The following CHRM3 variants were observed in gnomAD, a reference collection of about 807,000 sequenced individuals.
The protein encoded by CHRM3 is cholinergic receptor muscarinic 3.
CHRM3 carries 11 observed loss-of-function variants against 41.8 expected under a neutral mutation model. That is an observed-to-expected ratio of 0.26 (90% confidence interval 0.17 to 0.44). CHRM3 has a LOEUF of 0.44. CHRM3 is among the 20% of genes least tolerant of loss of function. The probability of loss-of-function intolerance (pLI) is 1.00; values close to 1 mark genes in which losing one functional copy is unlikely to be tolerated. For synonymous variants in CHRM3, 297 were observed against 301.4 expected, an observed-to-expected ratio of 0.99 and a Z score of 0.15; for missense variants, 571 against 745.4, an observed-to-expected ratio of 0.77 and a Z score of 2.72.
intron 2 of CHRM3, among the ~76,000 whole-genome samples, chr1:239,528,056 C>T (rs1670119811): frequency 6.6e-6 from 1 of 152,152 alleles, no homozygotes; most frequent in South Asian, 2.1e-4. Context: ...TGAGGACCCT[C>T]AAAGGGCATT....
intron 5 of CHRM3, among the ~76,000 whole-genome samples, chr1:239,739,754 A>G (rs1664683027): frequency 6.6e-6 from 1 of 152,182 alleles, no homozygotes; most frequent in South Asian, 2.1e-4. Flanking sequence ...AATAATGAAA[A>G]TGATATCAAA....
chr1:239,729,567 CT>C (rs1208779351), intron 5 of CHRM3, among the ~76,000 whole-genome samples: 1 of 151,890 alleles, frequency 6.6e-6, no homozygotes, highest in East Asian at 1.9e-4. Flanking sequence ...AAAATTTGAA[CT>C]GTGGAAAAAT....
intron 4 of CHRM3, among the ~76,000 whole-genome samples, chr1:239,650,132 C>T (rs183111567): frequency 1.2e-4 from 19 of 152,290 alleles, no homozygotes; most frequent in Admixed American, 2.0e-4. Flanking sequence ...GGAGTTGGCT[C>T]TCAGCTCTGT....
At chr1:239,706,993 A>G (rs1661252320) in intron 5 of CHRM3, 2 of 152,214 alleles carry the variant, frequency 1.3e-5, no homozygotes, top group African/African-American at 2.4e-5. Context: ...TAAAAGAAAA[A>G]CAAAGGCAAT....
intron 6 of CHRM3, among the ~76,000 whole-genome samples, chr1:239,875,664 A>G (rs1677053249): frequency 6.6e-6 from 1 of 152,224 alleles, no homozygotes; most frequent in African/African-American, 2.4e-5. Context: ...ATCTCAAGAC[A>G]GTATCATGTA....
chr1:239,461,179 TATC>T (rs1158095817), intron 1 of CHRM3, among the ~76,000 whole-genome samples: 3 of 152,208 alleles, frequency 2.0e-5, no homozygotes, highest in African/African-American at 7.2e-5. Flanking sequence ...CAAGTCTAGA[TATC>T]ATGTGCCAAT....
intron 6 of CHRM3, among the ~76,000 whole-genome samples, chr1:239,842,150 G>A (rs1673851792): frequency 6.6e-6 from 1 of 151,634 alleles, no homozygotes; most frequent in Non-Finnish European, 1.5e-5. Flanking sequence ...AAGTCCTATG[G>A]TAATTTCATA....
At chr1:239,682,947 C>G (rs1658712637) in intron 5 of CHRM3, among the ~76,000 whole-genome samples, 1 of 151,994 alleles carries the variant, frequency 6.6e-6, no homozygotes, top group South Asian at 2.1e-4. Context: ...TTTAATTAGG[C>G]TATTTAGCAT....
At chr1:239,805,656 A>G (rs946451273) in intron 5 of CHRM3, among the ~76,000 whole-genome samples, 1 of 150,648 alleles carries the variant, frequency 6.6e-6, no homozygotes. Flanking sequence ...GTGTGTGTGT[A>G]TACACATCTA....
At chr1:239,804,569 A>G (rs1281135534) in intron 5 of CHRM3, among the ~76,000 whole-genome samples, 2 of 152,068 alleles carry the variant, frequency 1.3e-5, no homozygotes, top group Non-Finnish European at 2.9e-5. Flanking sequence ...TGTTTTTAAG[A>G]GAGTTTGTTT....
At chr1:239,720,940 T>C (rs1223112507) in intron 5 of CHRM3, among the ~76,000 whole-genome samples, 2 of 151,950 alleles carry the variant, frequency 1.3e-5, no homozygotes, top group Non-Finnish European at 2.9e-5. Context: ...AAATTTATTT[T>C]TGCTTAATAT....
chr1:239,453,203 G>A (rs1664686655), intron 1 of CHRM3, among the ~76,000 whole-genome samples: 1 of 152,172 alleles, frequency 6.6e-6, no homozygotes, highest in East Asian at 1.9e-4. Context: ...ATATGCTGTC[G>A]TGATGATAAT....
At chr1:239,602,090 A>ATATGTGTGTGTGTGTGTGTGTG (rs371232279) in intron 3 of CHRM3, among the ~76,000 whole-genome samples, 23 of 131,232 alleles carry the variant, frequency 1.8e-4, no homozygotes, top group African/African-American at 6.2e-4. Flanking sequence ...ACATATATAC[A>ATATGTGTGTGTGTGTGTGTGTG]TGTGTGTGTG....
At chr1:239,567,449 T>A (rs1330501572) in intron 3 of CHRM3, among the ~76,000 whole-genome samples, 1 of 152,208 alleles carries the variant, frequency 6.6e-6, no homozygotes, top group African/African-American at 2.4e-5. Context: ...CTTCCCAGAA[T>A]GATAGATGCA....
chr1:239,909,189 A>G lies in CHRM3; in HGVS notation c.1738A>G (p.Ile580Val), dbSNP rs1680213392. 2 of 1,612,990 alleles carry G rather than the reference A, an allele frequency of 1.2e-6. No homozygotes were observed. The highest frequency in any genetic ancestry group is 1.7e-6 in the Non-Finnish European group (2 of 1,179,724). ...KQQYQQRQSV[I>V]FHKRAPEQAL Reference sequence around the variant, plus strand: ...GCAGTACCAGCAGAGACAGTCGGTCATTTTTCACAAGCGCGCACCCGAGCA... The same window carrying G: ...GCAGTACCAGCAGAGACAGTCGGTCGTTTTTCACAAGCGCGCACCCGAGCA... The change falls in exon 7 of 7, where the codon ATT (isoleucine) becomes GTT (valine). Residue 580 changes from isoleucine to valine, a missense_variant. Ile to Val is a conservative substitution (Grantham distance 29). This residue lies in a region of CHRM3 where 44 missense variants were observed against 39.7 expected (regional missense o/e 1.11). Transcript: ENST00000676153.
At chr1:239,862,170 T>C (rs1238761876) in intron 6 of CHRM3, among the ~76,000 whole-genome samples, 1 of 152,218 alleles carries the variant, frequency 6.6e-6, no homozygotes, top group Non-Finnish European at 1.5e-5. Flanking sequence ...GGTTTTTGTA[T>C]TTTCTATTCT....
At chr1:239,771,846 A>G (rs1156362810) in intron 5 of CHRM3, among the ~76,000 whole-genome samples, 3 of 152,228 alleles carry the variant, frequency 2.0e-5, no homozygotes, top group Non-Finnish European at 4.4e-5. Context: ...AGATATGAAA[A>G]GCAGTGTGGT....
chr1:239,658,138 A>G (rs1007506263), intron 4 of CHRM3, among the ~76,000 whole-genome samples: 3 of 152,174 alleles, frequency 2.0e-5, no homozygotes, highest in African/African-American at 4.8e-5. Flanking sequence ...TAAATATGAG[A>G]CTGGCTATTG....
intron 5 of CHRM3, among the ~76,000 whole-genome samples, chr1:239,761,877 C>G (rs1442365026): frequency 6.6e-6 from 1 of 152,194 alleles, no homozygotes; most frequent in African/African-American, 2.4e-5. Flanking sequence ...GCCCTGCTGA[C>G]TCTAGCCCCC....
Sources: gnomAD v4.1 joint callset for allele counts (sites outside exome capture counted in the v4.1 genomes callset) on GRCh38, gnomAD v4.1.1 for gene constraint, gnomAD v4.1.1 regional missense constraint, MANE v1.5 for transcripts, NCBI Gene and HGNC (gene_info 2026-07-23, HGNC 2026-07-21) for gene names.